Variants in PIGN observed in about 807,000 individuals in gnomAD.
PIGN encodes the protein phosphatidylinositol glycan anchor biosynthesis class N.
PIGN carries 117 observed loss-of-function variants against 125.4 expected under a neutral mutation model. The ratio of observed to expected loss-of-function variants is 0.93; its 90% CI spans 0.80 to 1.09. PIGN has a LOEUF of 1.09. PIGN is among the 50% of genes least tolerant of loss of function. PIGN has a pLI of 0.00. For missense variants in PIGN, 1,075 were observed against 1,094.9 expected, an observed-to-expected ratio of 0.98 and a Z score of 0.26; for synonymous variants, 392 against 377.8, an observed-to-expected ratio of 1.04 and a Z score of -0.44.
intron 1 of PIGN, among the ~76,000 whole-genome samples, chr18:62,170,303 G>A (rs2037305107): frequency 6.6e-6 from 1 of 152,148 alleles, no homozygotes; most frequent in Admixed American, 6.6e-5. Context: ...TTTGCAAGGT[G>A]ACAGTTTGAA....
intron 4 of PIGN, among the ~76,000 whole-genome samples, chr18:62,160,455 T>C (rs1424581365): frequency 3.3e-5 from 5 of 152,210 alleles, no homozygotes; most frequent in African/African-American, 9.6e-5. Context: ...TTAAACATCA[T>C]TGAAATTAGT....
At chr18:62,062,124 G>A (rs1387186994) in intron 30 of PIGN, among the ~76,000 whole-genome samples, 5 of 152,058 alleles carry the variant, frequency 3.3e-5, no homozygotes, top group Non-Finnish European at 7.4e-5. Context: ...CATCAATCAG[G>A]GGCAATTCCA....
intron 14 of PIGN, among the ~76,000 whole-genome samples, chr18:62,120,179 C>G (rs1403619782): frequency 6.6e-6 from 1 of 151,580 alleles, no homozygotes. Flanking sequence ...GAAAACCAGT[C>G]AAAGAGAAAA....
At position 62,157,673 on chromosome 18, in the gene PIGN, C is replaced by T. The variant is rs777575965; in HGVS notation, c.343+14G>A. ...AAATTTTTCATTTCATAAGATTGTC[C>T]AAATAGACAATACCTTTGGCAACTG... On this transcript the variant is annotated intron_variant, in intron 5 of 30. Transcript: ENST00000640252. 8.7e-6 allele frequency: 14 copies of T among 1,604,404 alleles called. No individual in the cohort carries two copies. The highest frequency in any genetic ancestry group is 1.2e-5 in the Non-Finnish European group (14 of 1,174,822).
At chr18:62,175,156 G>A (rs980973054) in intron 1 of PIGN, among the ~76,000 whole-genome samples, 1 of 148,968 alleles carries the variant, frequency 6.7e-6, no homozygotes, top group African/African-American at 2.5e-5. Flanking sequence ...GTTTTCAAAG[G>A]AACTCGTGTT....
chr18:62,158,990 G>A (rs1179943980), intron 4 of PIGN, among the ~76,000 whole-genome samples: 3 of 152,172 alleles, frequency 2.0e-5, no homozygotes, highest in African/African-American at 7.2e-5. Flanking sequence ...GGTGGCTCAC[G>A]CCTGTAATCC....
intron 30 of PIGN, 72 bp downstream of exon 30, chr18:62,072,601 G>A: frequency 8.3e-7 from 1 of 1,199,732 alleles, no homozygotes; most frequent in Non-Finnish European, 1.2e-6. Context: ...GCACAGTGAA[G>A]AAATTGCCTA....
intron 1 of PIGN, among the ~76,000 whole-genome samples, chr18:62,171,802 C>T (rs1357943632): frequency 1.3e-5 from 2 of 152,158 alleles, no homozygotes; most frequent in Non-Finnish European, 2.9e-5. Context: ...TTAAACGCAT[C>T]TTACATTCCC....
chr18:62,152,870 T>TA (rs1568234950), intron 7 of PIGN, among the ~76,000 whole-genome samples: 14 of 15,970 alleles, frequency 8.8e-4, no homozygotes, highest in African/African-American at 2.5e-3. Flanking sequence ...ATATATATAT[T>TA]TTTTTTTTTA....
At chr18:62,060,830 G>A (rs942183343) in intron 30 of PIGN, among the ~76,000 whole-genome samples, 1 of 152,068 alleles carries the variant, frequency 6.6e-6, no homozygotes, top group Non-Finnish European at 1.5e-5. Flanking sequence ...TTACCTCAAA[G>A]GAATTTTTTT....
chr18:62,058,387 GCCT>G (rs1208577274), intron 30 of PIGN, among the ~76,000 whole-genome samples: 7 of 152,168 alleles, frequency 4.6e-5, no homozygotes, highest in African/African-American at 1.7e-4. Context: ...AAGGAGGACT[GCCT>G]CCTAGAAAAC....
chr18:62,078,618 G>A (rs1272796054), intron 28 of PIGN, among the ~76,000 whole-genome samples: 2 of 152,174 alleles, frequency 1.3e-5, no homozygotes, highest in Non-Finnish European at 2.9e-5. Context: ...AATATTCATG[G>A]TGATCTAATT....
At chr18:62,152,641 G>A (rs946504008) in intron 7 of PIGN, among the ~76,000 whole-genome samples, 18 of 151,954 alleles carry the variant, frequency 1.2e-4, no homozygotes, top group African/African-American at 4.4e-4. Flanking sequence ...AAATAAGTGA[G>A]ATAATAATTA....
chr18:62,066,876 G>A (rs1477872690), intron 30 of PIGN, among the ~76,000 whole-genome samples: 1 of 152,128 alleles, frequency 6.6e-6, no homozygotes, highest in Non-Finnish European at 1.5e-5. Context: ...TAAAATAAAT[G>A]AAAATATAAT....
At chr18:62,071,281 C>G (rs749546319) in intron 30 of PIGN, among the ~76,000 whole-genome samples, 6 of 152,198 alleles carry the variant, frequency 3.9e-5, no homozygotes, top group Non-Finnish European at 8.8e-5. Context: ...CACTAGGACT[C>G]TGGAATGATC....
intron 16 of PIGN, chr18:62,112,581 A>G (rs1333814495): frequency 1.3e-5 from 2 of 152,238 alleles, no homozygotes; most frequent in Non-Finnish European, 2.9e-5. Flanking sequence ...CACTGAAAGC[A>G]TAGTAAAGTA....
At chr18:62,051,352 G>A (rs1306237562) in intron 30 of PIGN, among the ~76,000 whole-genome samples, 3 of 152,180 alleles carry the variant, frequency 2.0e-5, no homozygotes, top group East Asian at 1.9e-4. Flanking sequence ...TGGTTGGTAA[G>A]CTATTGATTA....
At chr18:62,055,892 T>G (rs561988827) in intron 30 of PIGN, among the ~76,000 whole-genome samples, 1 of 151,594 alleles carries the variant, frequency 6.6e-6, no homozygotes, top group Non-Finnish European at 1.5e-5. Context: ...TAACGTCTCA[T>G]GCAAGGTCTT....
chr18:62,017,993 A>G (rs1319577695), intron 23 of PIGN, among the ~76,000 whole-genome samples: 3 of 152,230 alleles, frequency 2.0e-5, no homozygotes, highest in Non-Finnish European at 1.5e-5. Context: ...AGTGTGCACC[A>G]CAAAAGCTTA....
Sources: allele counts gnomAD v4.1 joint callset (sites outside exome capture counted in the v4.1 genomes callset), GRCh38; gene constraint gnomAD v4.1.1; transcripts MANE v1.5; gene names NCBI Gene and HGNC (gene_info 2026-07-23, HGNC 2026-07-21).